Variants in PAIP2 observed in about 807,000 individuals in gnomAD.
PAIP2 encodes the protein poly(A) binding protein interacting protein 2.
A neutral mutation model predicts 14.8 loss-of-function variants in PAIP2; 7 were observed. The observed-to-expected ratio is 0.47, with a 90% CI of 0.27 to 0.89. The LOEUF is 0.89. Ranked by LOEUF, PAIP2 falls within the 40% of genes least tolerant of loss-of-function variation. The pLI is 0.13. For synonymous variants in PAIP2, 47 were observed against 45.3 expected (o/e 1.04, Z -0.15); for missense variants, 122 against 154.7 (o/e 0.79, Z 1.12).
At chr5:139,343,259 T>G (rs1334038399) in intron 1 of PAIP2, 2 of 152,208 alleles carry the variant, frequency 1.3e-5, no homozygotes, top group African/African-American at 4.8e-5. Flanking sequence ...ATAAAACTTT[T>G]TCACACACAC....
chr5:139,342,882 C>T (rs763183182), intron 1 of PAIP2: 2 of 152,226 alleles, frequency 1.3e-5, no homozygotes, highest in African/African-American at 2.4e-5. Flanking sequence ...CATAAAAACC[C>T]CAAACTCTAG....
intron 1 of PAIP2, among the ~76,000 whole-genome samples, chr5:139,355,144 C>T (rs1756869588): frequency 6.8e-6 from 1 of 146,656 alleles, no homozygotes. Context: ...TTTTAAACTC[C>T]AAAATTTCTA....
At chr5:139,358,313 CTT>C (rs1220023330) in intron 1 of PAIP2, among the ~76,000 whole-genome samples, 1 of 152,156 alleles carries the variant, frequency 6.6e-6, no homozygotes, top group Non-Finnish European at 1.5e-5. Context: ...CTGTAAGGCC[CTT>C]AAATGCAATA....
intron 1 of PAIP2, among the ~76,000 whole-genome samples, chr5:139,361,287 G>A (rs1353532918): frequency 6.6e-6 from 1 of 151,872 alleles, no homozygotes; most frequent in Admixed American, 6.6e-5. Flanking sequence ...AAAGGGCCAG[G>A]CAACACACAT....
intron 1 of PAIP2, among the ~76,000 whole-genome samples, chr5:139,359,687 C>T (rs867494921): frequency 1.8e-4 from 27 of 151,628 alleles, no homozygotes; most frequent in African/African-American, 5.1e-4. Flanking sequence ...GAGTAATTTT[C>T]GGCCGGACAC....
At chr5:139,361,146 G>T (rs1286747116) in intron 1 of PAIP2, among the ~76,000 whole-genome samples, 2 of 151,618 alleles carry the variant, frequency 1.3e-5, no homozygotes, top group African/African-American at 4.9e-5. Context: ...TTTAGTTGAG[G>T]ACCTCTCAAC....
At chr5:139,364,436 T>C (rs1317553806) in intron 2 of PAIP2, 128 bp from the exon 3 acceptor site, 5 of 556,300 alleles carry the variant, frequency 9.0e-6, no homozygotes, top group African/African-American at 5.7e-5. Context: ...GCATTTTTTT[T>C]CCTTAGCATG....
In PAIP2 at chr5:139,351,053, A is replaced by C. The variant is rs1581299314; in HGVS notation, c.-27+9073A>C. Among the ~76,000 whole-genome samples the C allele has an allele frequency of 2.0e-5, 3 of 152,294 alleles. No individual in the cohort carries two copies. The South Asian group carries it at 6.2e-4, about 32-fold the overall frequency. On this transcript the variant is annotated intron_variant, in intron 1 of 3. Coordinates refer to ENST00000265192, the MANE Select transcript of PAIP2 (RefSeq NM_016480.5). ...AAATATAATCTCAATGTGGGAAAAG[A>C]CTTCCCAGAAGCTGTAAAGGAAAAC...
At chr5:139,363,280 C>T (rs182650789) in intron 1 of PAIP2, among the ~76,000 whole-genome samples, 66 of 152,158 alleles carry the variant, frequency 4.3e-4, no homozygotes, top group Non-Finnish European at 8.7e-4. Flanking sequence ...AGGCTGTCCT[C>T]TCCTGTTTCT....
rs1052697326 is a variant in PAIP2, at chr5:139,360,674, G to A, written c.-26-3085G>A. On this transcript the variant is annotated intron_variant, in intron 1 of 3. Coordinates refer to ENST00000265192, the MANE Select transcript of PAIP2 (RefSeq NM_016480.5). Reference sequence around the variant, plus strand: ...TACCCAGCTTTGCCATATTGCCCAGGCTAGTATCAAACTCCTGGGCTCAAG... The same window carrying A: ...TACCCAGCTTTGCCATATTGCCCAGACTAGTATCAAACTCCTGGGCTCAAG... Among the ~76,000 whole-genome samples, 3 of 151,872 alleles carry A rather than the reference G, an allele frequency of 2.0e-5. No homozygotes were observed. In the South Asian group the frequency reaches 6.2e-4, roughly 32 times the overall value.
chr5:139,352,488 G>GTTTTTTTTTTTTTTTTTTTTTTT (rs1185620394), intron 1 of PAIP2, among the ~76,000 whole-genome samples: 13 of 94,820 alleles, frequency 1.4e-4, no homozygotes, highest in African/African-American at 3.8e-4. Context: ...ATTCCTGCCA[G>GTTTTTTTTTTTTTTTTTTTTTTT]TTTTTTTTTT....
chr5:139,363,350 C>T (rs1020087820), intron 1 of PAIP2, among the ~76,000 whole-genome samples: 24 of 152,062 alleles, frequency 1.6e-4, no homozygotes, highest in African/African-American at 5.8e-4. Flanking sequence ...TTCAACTTAC[C>T]GTGTATTTTT....
chr5:139,345,829 G>A (rs1756528564), intron 1 of PAIP2, among the ~76,000 whole-genome samples: 4 of 151,898 alleles, frequency 2.6e-5, no homozygotes, highest in South Asian at 4.2e-4. Flanking sequence ...GGGTTTCACC[G>A]TGTTAGCCAG....
chr5:139,364,156 G>A (rs952823856), intron 2 of PAIP2: 2 of 499,532 alleles, frequency 4.0e-6, no homozygotes, highest in Non-Finnish European at 7.1e-6. Context: ...GAGGATGAGG[G>A]TGGAGCCTGG....
intron 1 of PAIP2, chr5:139,342,823 C>T (rs1756423499): frequency 6.6e-6 from 1 of 152,148 alleles, no homozygotes. Flanking sequence ...AGGGGTCTTA[C>T]CTGCTTCCTT....
chr5:139,346,969 C>T (rs1331010233), intron 1 of PAIP2, among the ~76,000 whole-genome samples: 1 of 152,158 alleles, frequency 6.6e-6, no homozygotes, highest in Non-Finnish European at 1.5e-5. Context: ...GCCACCATGC[C>T]TGGCTTAGTT....
chr5:139,369,150 T>C lies in PAIP2; in HGVS notation c.*352T>C, dbSNP rs890589175. Reference sequence around the variant, plus strand: ...ATGTCTAAACTTTAAAATCAGTACATTTAATTTGAGTTCCAACTGTTAAGC... The same window carrying C: ...ATGTCTAAACTTTAAAATCAGTACACTTAATTTGAGTTCCAACTGTTAAGC... On this transcript the variant is annotated 3_prime_UTR_variant, in exon 4 of 4. Transcript: ENST00000265192. 2 of 168,608 alleles carry C rather than the reference T, an allele frequency of 1.2e-5. No individual in the cohort carries two copies. Among genetic ancestry groups the C allele is most frequent in the Non-Finnish European group, 2.5e-5 (2 of 78,948 alleles). 10.4% of individuals were successfully genotyped at this position (168,608 alleles called of 1,614,324 possible).
At chr5:139,349,866 G>C (rs1176553216) in intron 1 of PAIP2, among the ~76,000 whole-genome samples, 1 of 152,022 alleles carries the variant, frequency 6.6e-6, no homozygotes, top group Non-Finnish European at 1.5e-5. Context: ...GCTGGACATG[G>C]TGGCGTGCAC....
At chr5:139,359,493 A>G (rs533293174) in intron 1 of PAIP2, among the ~76,000 whole-genome samples, 2 of 152,224 alleles carry the variant, frequency 1.3e-5, no homozygotes, top group South Asian at 4.2e-4. Context: ...TTGGGAAAAT[A>G]ATGAAAACCT....
Sources: gnomAD v4.1 joint callset for allele counts (sites outside exome capture counted in the v4.1 genomes callset) on GRCh38, gnomAD v4.1.1 for gene constraint, MANE v1.5 for transcripts, NCBI Gene and HGNC (gene_info 2026-07-23, HGNC 2026-07-21) for gene names.